Variants in PDE4B observed in about 807,000 individuals in gnomAD.
PDE4B encodes the protein 3',5'-cyclic-AMP phosphodiesterase 4B.
PDE4B carries 20 observed loss-of-function variants against 82.2 expected under a neutral mutation model. The ratio of observed to expected loss-of-function variants is 0.24; its 90% CI spans 0.17 to 0.35. The LOEUF is 0.35. PDE4B is among the 10% of genes least tolerant of loss of function. PDE4B has a pLI of 1.00. For synonymous variants in PDE4B, 320 were observed against 318.9 expected (o/e 1.00, Z -0.04); for missense variants, 655 against 907.2 (o/e 0.72, Z 3.57).
intron 3 of PDE4B, among the ~76,000 whole-genome samples, chr1:66,186,205 G>A (rs1178239343): frequency 6.6e-6 from 1 of 152,062 alleles, no homozygotes; most frequent in Non-Finnish European, 1.5e-5. Flanking sequence ...TCTCTGTTTT[G>A]GTACCAGCAC....
chr1:65,978,638 A>G (rs1283526570), intron 3 of PDE4B, among the ~76,000 whole-genome samples: 1 of 152,208 alleles, frequency 6.6e-6, no homozygotes, highest in African/African-American at 2.4e-5. Context: ...TAGTAATCTT[A>G]ATAAAAATAT....
intron 3 of PDE4B, among the ~76,000 whole-genome samples, chr1:66,178,766 G>A (rs529871958): frequency 6.6e-6 from 1 of 152,256 alleles, no homozygotes; most frequent in African/African-American, 2.4e-5. Context: ...AGGACCTTTT[G>A]ATTACATTTG....
chr1:65,907,798 C>T (rs1471066398), intron 1 of PDE4B, among the ~76,000 whole-genome samples: 1 of 152,084 alleles, frequency 6.6e-6, no homozygotes, highest in African/African-American at 2.4e-5. Context: ...ATATTATTGT[C>T]ATTTCATAAA....
At chr1:66,280,268 C>T (rs17128735) in intron 7 of PDE4B, among the ~76,000 whole-genome samples, 5,723 of 152,308 alleles carry the variant, frequency 0.038, 126 homozygotes, top group Middle Eastern at 0.068. Context: ...CTTGACAGTG[C>T]GCAAGTAGTG....
chr1:66,362,701 T>G (rs1420519025), intron 10 of PDE4B, among the ~76,000 whole-genome samples: 2 of 152,190 alleles, frequency 1.3e-5, no homozygotes, highest in East Asian at 3.8e-4. Flanking sequence ...TTGGGTTGAC[T>G]TATGCACATT....
chr1:66,322,297 AATGCCAAAAT>A (rs1354083237), intron 7 of PDE4B, among the ~76,000 whole-genome samples: 1 of 152,200 alleles, frequency 6.6e-6, no homozygotes, highest in Non-Finnish European at 1.5e-5. Context: ...AATGGCAACA[AATGCCAAAAT>A]AGACAAATGG....
intron 1 of PDE4B, among the ~76,000 whole-genome samples, chr1:65,842,424 G>T (rs536779845): frequency 1.3e-5 from 2 of 152,156 alleles, no homozygotes; most frequent in Non-Finnish European, 2.9e-5. Context: ...TTATTGAGTG[G>T]TATAATAAAA....
At chr1:65,919,983 A>C (rs755611309) in intron 3 of PDE4B, among the ~76,000 whole-genome samples, 2 of 152,228 alleles carry the variant, frequency 1.3e-5, no homozygotes, top group Non-Finnish European at 2.9e-5. Flanking sequence ...AAAATTTGAG[A>C]AGGACTGTCT....
intron 3 of PDE4B, among the ~76,000 whole-genome samples, chr1:66,010,368 C>T (rs1263123107): frequency 2.0e-5 from 3 of 151,304 alleles, no homozygotes; most frequent in African/African-American, 7.3e-5. Context: ...GAAAGAGGGG[C>T]ATTTGGCAAG....
intron 1 of PDE4B, among the ~76,000 whole-genome samples, chr1:65,830,316 T>A (rs905924443): frequency 1.2e-4 from 19 of 152,266 alleles, no homozygotes; most frequent in African/African-American, 4.6e-4. Flanking sequence ...TGAAATATTG[T>A]CTCCTCTAGG....
chr1:65,965,531 T>C (rs1287355473), intron 3 of PDE4B, among the ~76,000 whole-genome samples: 2 of 142,746 alleles, frequency 1.4e-5, no homozygotes, highest in African/African-American at 5.2e-5. Context: ...TTTTTTTTTT[T>C]CATAAAATGA....
chr1:66,114,662 G>A (rs368641470), intron 3 of PDE4B, among the ~76,000 whole-genome samples: 29 of 141,190 alleles, frequency 2.1e-4, no homozygotes, highest in African/African-American at 7.3e-4. Flanking sequence ...TTGAGACGGA[G>A]TCTGGCTGTG....
At chr1:66,030,966 G>C (rs1194036654) in intron 3 of PDE4B, among the ~76,000 whole-genome samples, 1 of 152,200 alleles carries the variant, frequency 6.6e-6, no homozygotes, top group Admixed American at 6.5e-5. Context: ...CTAGAAGAGG[G>C]AGGGAGGGAA....
At chr1:65,876,882 A>G (rs942714893) in intron 1 of PDE4B, among the ~76,000 whole-genome samples, 21 of 152,166 alleles carry the variant, frequency 1.4e-4, no homozygotes, top group African/African-American at 5.1e-4. Flanking sequence ...ACTACAAACC[A>G]CTGCTCAAGG....
At chr1:66,268,590 C>A (rs1281926970) in intron 7 of PDE4B, among the ~76,000 whole-genome samples, 1 of 141,080 alleles carries the variant, frequency 7.1e-6, no homozygotes, top group Admixed American at 7.6e-5. Context: ...ATCTCTTGAA[C>A]CTGGGAGGCG....
intron 3 of PDE4B, among the ~76,000 whole-genome samples, chr1:65,939,435 C>G (rs893469779): frequency 6.6e-6 from 1 of 152,096 alleles, no homozygotes; most frequent in Admixed American, 6.6e-5. Flanking sequence ...AACAGCAAGA[C>G]AAAAGGGCTC....
chr1:65,986,292 A>C (rs1241917852), intron 3 of PDE4B, among the ~76,000 whole-genome samples: 1 of 152,218 alleles, frequency 6.6e-6, no homozygotes, highest in African/African-American at 2.4e-5. Context: ...ACCATAACAT[A>C]TCACAAAACA....
At chr1:65,829,861 T>C (rs1210837328) in intron 1 of PDE4B, among the ~76,000 whole-genome samples, 5 of 152,210 alleles carry the variant, frequency 3.3e-5, no homozygotes, top group Admixed American at 3.3e-4. Flanking sequence ...TTTAGCTTAA[T>C]ATAAATGTAA....
intron 3 of PDE4B, among the ~76,000 whole-genome samples, chr1:66,228,227 C>T (rs1287733883): frequency 1.3e-5 from 2 of 152,174 alleles, no homozygotes; most frequent in African/African-American, 2.4e-5. Flanking sequence ...TCCTTTACCC[C>T]GGCTCATTCG....
Sources: allele counts gnomAD v4.1 joint callset (sites outside exome capture counted in the v4.1 genomes callset), GRCh38; gene constraint gnomAD v4.1.1; transcripts MANE v1.5; gene names NCBI Gene and HGNC (gene_info 2026-07-23, HGNC 2026-07-21).